Variants in PHYHD1 observed in about 807,000 individuals in gnomAD.
PHYHD1 encodes phytanoyl-CoA dioxygenase domain containing 1.
A neutral mutation model predicts 43.6 loss-of-function variants in PHYHD1; 42 were observed. The observed-to-expected ratio is 0.96, with a 90% CI of 0.75 to 1.25. The LOEUF is 1.25. PHYHD1 is among the 50% of genes most tolerant of loss of function. The pLI is 0.00. For synonymous variants in PHYHD1, 139 were observed against 143.6 expected, an observed-to-expected ratio of 0.97 and a Z score of 0.23; for missense variants, 342 against 370.8, an observed-to-expected ratio of 0.92 and a Z score of 0.64.
intron 4 of PHYHD1, among the ~76,000 whole-genome samples, chr9:128,930,446 T>C (rs1388130376): frequency 2.0e-5 from 3 of 148,206 alleles, no homozygotes; most frequent in Non-Finnish European, 4.5e-5. Context: ...CACTGTCTTT[T>C]TAAAAAAAAA....
chr9:128,940,714 A>T lies in PHYHD1; in HGVS notation c.702A>T (p.Arg234Ser). 1 of 1,613,032 alleles carries T rather than the reference A, an allele frequency of 6.2e-7. No homozygotes were observed. The highest frequency in any genetic ancestry group is 8.5e-7 in the Non-Finnish European group (1 of 1,179,930). The change falls in exon 11 of 13, where the codon AGA becomes AGT. Residue 234 changes from arginine to serine, a missense_variant and splice_region_variant. Physicochemically the swap from Arg to Ser is moderately radical, Grantham distance 110. Transcript: ENST00000372592. ...TCTTTGTGCCCACCCCAGTGCAGAG[A>T]GGTAGGCAGATGCAGAGGGCAGAGA... ...NSLFVPTPVQ[R>S]GALVLIHGEV...
At chr9:128,939,411 T>C (rs1460764275) in intron 9 of PHYHD1, among the ~76,000 whole-genome samples, 1 of 123,852 alleles carries the variant, frequency 8.1e-6, no homozygotes, top group Non-Finnish European at 1.9e-5. Context: ...AAACCCCATC[T>C]CTACTAAAAA....
Position 128,941,394 on chromosome 9 carries a change from G to A in PHYHD1, c.704-51G>A, listed in dbSNP as rs780148983. 6 of 1,602,164 alleles carry A rather than the reference G, an allele frequency of 3.7e-6. No homozygotes were observed. In the East Asian group the frequency reaches 1.1e-4, roughly 30 times the overall value. The stretch of plus-strand genomic sequence containing the variant: ...GGCCCATGTCCCTTCCTGCTCTGGG[G>A]AGGGGGGATGTGGGGCTGGTAGGTT... On this transcript the variant is annotated intron_variant, in intron 11 of 12. Coordinates refer to ENST00000372592, the MANE Select transcript of PHYHD1 (RefSeq NM_001100876.2).
intron 4 of PHYHD1, among the ~76,000 whole-genome samples, chr9:128,930,883 A>G (rs1266946872): frequency 6.8e-6 from 1 of 147,246 alleles, no homozygotes; most frequent in Non-Finnish European, 1.5e-5. Context: ...CGGGAGGCGG[A>G]GCTTGCAGTG....
rs1434564687 is a variant in PHYHD1, at chr9:128,939,459, A to G, written c.458-910A>G. ...CTGGGCGTGGTGTCAGGCACCTGTA[A>G]TCCCAGCTACTAGGGAGGCTGAAGC... On this transcript the variant is annotated intron_variant, in intron 9 of 12. Coordinates refer to ENST00000372592, the MANE Select transcript of PHYHD1 (RefSeq NM_001100876.2). Among the ~76,000 whole-genome samples, 13 of 121,648 alleles carry G rather than the reference A, an allele frequency of 1.1e-4. 2 individuals carry two copies. The highest frequency in any genetic ancestry group is 3.8e-5 in the Non-Finnish European group (2 of 52,446). The allele number at this position is 121,648 out of a possible 152,430, so 79.8% of individuals were successfully genotyped here. A position where few individuals can be genotyped will look rare whatever the true frequency, so the allele number is the denominator to read the frequency against.
chr9:128,940,249 C>T (rs1841522821), intron 9 of PHYHD1, 120 bp from the exon 10 acceptor site: 4 of 1,447,272 alleles, frequency 2.8e-6, no homozygotes, highest in Non-Finnish European at 2.8e-6. Flanking sequence ...GAGATTCTAA[C>T]TGATCATGGG....
chr9:128,932,172 A>ATTTTTTTTTTTTT (rs1367583651), intron 4 of PHYHD1, among the ~76,000 whole-genome samples: 11 of 104,210 alleles, frequency 1.1e-4, no homozygotes, highest in African/African-American at 2.2e-4. Flanking sequence ...TATTATTGTT[A>ATTTTTTTTTTTTT]TTATTATTAT....
chr9:128,936,655 T>C lies in PHYHD1; in HGVS notation c.435+10T>C. On this transcript the variant is annotated intron_variant, in intron 8 of 12. Transcript: ENST00000372592. ...CATGTACATCTTTAAGGTGAGCTCCTTGTCCTTGCCTCAGTTTACCATCTG... is the reference window on the plus strand; with the variant it reads ...CATGTACATCTTTAAGGTGAGCTCCCTGTCCTTGCCTCAGTTTACCATCTG... The C allele has an allele frequency of 6.4e-7, 1 of 1,551,908 alleles. No individual in the cohort carries two copies.
chr9:128,940,569 G>A, intron 10 of PHYHD1, 30 bp from the exon 11 acceptor site: 1 of 1,613,964 alleles, frequency 6.2e-7, no homozygotes, highest in Non-Finnish European at 8.5e-7. Flanking sequence ...GAGAAAGGAG[G>A]AGTTTAAGGC....
intron 8 of PHYHD1, among the ~76,000 whole-genome samples, chr9:128,936,966 T>G (rs550790031): frequency 6.6e-6 from 1 of 151,492 alleles, no homozygotes; most frequent in Admixed American, 6.6e-5. Flanking sequence ...AATACAAAAA[T>G]TAGCCGGGCG....
intron 4 of PHYHD1, among the ~76,000 whole-genome samples, chr9:128,931,301 G>A (rs909149643): frequency 7.9e-5 from 12 of 151,812 alleles, no homozygotes; most frequent in Admixed American, 6.6e-4. Flanking sequence ...TATTAGAGAC[G>A]TGGTTTCACC....
In PHYHD1 at chr9:128,933,843, T is replaced by C. The variant is rs929966037; in HGVS notation, c.254T>C (p.Val85Ala). The C allele has an allele frequency of 1.9e-6, 3 of 1,613,936 alleles. No individual in the cohort carries two copies. The highest frequency in any genetic ancestry group is 2.5e-6 in the Non-Finnish European group (3 of 1,179,880). ...DKIRFFFEKG[V>A]FDEKGNFLVP... ...ATTCGATTCTTCTTTGAGAAAGGCG[T>C]TTTTGATGAGAAAGGTTTGGAGCTG... is the stretch of plus-strand genomic sequence containing the variant. The change falls in exon 5 of 13, where the codon GTT becomes GCT. Residue 85 changes from valine to alanine, a missense_variant. Physicochemically the swap from Val to Ala is moderately conservative, Grantham distance 64. Coordinates refer to ENST00000372592, the MANE Select transcript of PHYHD1 (RefSeq NM_001100876.2).
chr9:128,936,656 T>C lies in PHYHD1; in HGVS notation c.435+11T>C. On this transcript the variant is annotated intron_variant, in intron 8 of 12. Transcript: ENST00000372592. ...ATGTACATCTTTAAGGTGAGCTCCTTGTCCTTGCCTCAGTTTACCATCTGT... is the reference window on the plus strand; with the variant it reads ...ATGTACATCTTTAAGGTGAGCTCCTCGTCCTTGCCTCAGTTTACCATCTGT... The C allele has an allele frequency of 6.4e-7, 1 of 1,551,880 alleles. No individual in the cohort carries two copies. The highest frequency in any genetic ancestry group is 8.7e-7 in the Non-Finnish European group (1 of 1,147,064).
intron 8 of PHYHD1, 58 bp from the exon 9 acceptor site, chr9:128,937,695 CAGCA>C (rs1841459173): frequency 7.5e-6 from 12 of 1,603,588 alleles, no homozygotes; most frequent in Admixed American, 1.7e-5. Context: ...CTGGGAGTCT[CAGCA>C]AGCCCAGCTC....
intron 6 of PHYHD1, 112 bp from the exon 7 acceptor site, chr9:128,936,336 C>A: frequency 1.4e-6 from 2 of 1,415,030 alleles, no homozygotes; most frequent in South Asian, 2.5e-5. Flanking sequence ...AGGGTTAATG[C>A]CTACAAAGTA....
chr9:128,940,933 T>A (rs977989763), intron 11 of PHYHD1, among the ~76,000 whole-genome samples: 1 of 152,202 alleles, frequency 6.6e-6, no homozygotes, highest in African/African-American at 2.4e-5. Flanking sequence ...CTGCTACTTA[T>A]GGGCTGTTTC....
At chr9:128,931,679 C>G (rs1841280814) in intron 4 of PHYHD1, among the ~76,000 whole-genome samples, 1 of 152,172 alleles carries the variant, frequency 6.6e-6, no homozygotes, top group Non-Finnish European at 1.5e-5. Flanking sequence ...CGCCCGCCAC[C>G]ACACCCGGCT....
chr9:128,927,790 C>T (rs1841174183), intron 4 of PHYHD1, among the ~76,000 whole-genome samples: 1 of 152,250 alleles, frequency 6.6e-6, no homozygotes, highest in African/African-American at 2.4e-5. Flanking sequence ...CTGTTCCCAG[C>T]TTGGCTTTAC....
At position 128,933,765 on chromosome 9, in the gene PHYHD1, A is replaced by T. The variant is rs781033461; in HGVS notation, c.193-17A>T. 15 of 1,612,708 alleles carry T rather than the reference A, an allele frequency of 9.3e-6. No individual in the cohort carries two copies. Among genetic ancestry groups the T allele is most frequent in the Non-Finnish European group, 1.1e-5 (13 of 1,178,710 alleles). The stretch of plus-strand genomic sequence containing the variant: ...CCCAGGATGCTGTCTCAGTCCTCTG[A>T]TGTCCCCTTTCCACAGGGCAGCACA... On this transcript the variant is annotated splice_polypyrimidine_tract_variant and intron_variant, in intron 4 of 12. Coordinates refer to ENST00000372592, the MANE Select transcript of PHYHD1 (RefSeq NM_001100876.2).
Sources: allele counts gnomAD v4.1 joint callset (sites outside exome capture counted in the v4.1 genomes callset), GRCh38; gene constraint gnomAD v4.1.1; transcripts MANE v1.5; gene names NCBI Gene and HGNC (gene_info 2026-07-23, HGNC 2026-07-21).